The following TULP1 variants were observed in gnomAD, a reference collection of about 807,000 sequenced individuals.
The protein encoded by TULP1 is tubby-related protein 1.
A neutral mutation model predicts 67.1 loss-of-function variants in TULP1; 50 were observed. The ratio of observed to expected loss-of-function variants is 0.75; its 90% CI spans 0.59 to 0.94. The LOEUF is 0.94. Ranked by LOEUF, TULP1 falls within the 40% of genes least tolerant of loss-of-function variation. TULP1 has a pLI of 0.00. For synonymous variants in TULP1, 297 were observed against 294.0 expected (o/e 1.01, Z -0.11); for missense variants, 746 against 734.1 (o/e 1.02, Z -0.19).
chr6:35,503,887 TC>T lies in TULP1; in HGVS notation c.1113-40del. Reference sequence around the variant, plus strand: ...AGAGCTTGGGGTGGGGCTGAGGGGATCCTACATCCCTGCCCCAGGCCCCTTC... The same window carrying T: ...AGAGCTTGGGGTGGGGCTGAGGGGATCTACATCCCTGCCCCAGGCCCCTTC... On this transcript the variant is annotated intron_variant, in intron 11 of 14. Coordinates refer to ENST00000229771, the MANE Select transcript of TULP1 (RefSeq NM_003322.6). This position sits in a 1 kb window ranked among gnomAD's most constrained non-coding sequence, Gnocchi z 4.0. The T allele has an allele frequency of 6.7e-7, 1 of 1,501,170 alleles. No homozygotes were observed. 93.0% of individuals were successfully genotyped at this position (1,501,170 alleles called of 1,614,324 possible). A position where few individuals can be genotyped will look rare whatever the true frequency, so the allele number is the denominator to read the frequency against.
chr6:35,503,000 C>T (rs769385956), intron 13 of TULP1, among the ~76,000 whole-genome samples: 5 of 152,092 alleles, frequency 3.3e-5, no homozygotes, highest in Admixed American at 6.5e-5. Flanking sequence ...TGCAGTGGCA[C>T]CATCTCGGCT....
intron 13 of TULP1, among the ~76,000 whole-genome samples, chr6:35,500,638 G>A (rs1768819934): frequency 6.6e-6 from 1 of 152,076 alleles, no homozygotes; most frequent in Non-Finnish European, 1.5e-5. Flanking sequence ...TTTCCTTGTC[G>A]CCTGCTCACG....
chr6:35,510,588 AAAC>A, intron 5 of TULP1: 1 of 586,182 alleles, frequency 1.7e-6, no homozygotes, highest in Non-Finnish European at 2.9e-6. Flanking sequence ...AACAAAAACT[AAAC>A]AAAAATCACA....
chr6:35,498,352 A>G lies in TULP1; in HGVS notation c.1604T>C (p.Phe535Ser). 1 of 1,612,992 alleles carries G rather than the reference A, an allele frequency of 6.2e-7. No individual in the cohort carries two copies. The highest frequency in any genetic ancestry group is 8.5e-7 in the Non-Finnish European group (1 of 1,179,724). ...TCACTCGCAGGCCAGCTTCCCGTCG[A>G]AACTGGAGAGGGCGATGGCGAAGGC... ...LQAFAIALSS[F>S]DGKLACE The change falls in exon 15 of 15, where the codon TTC (phenylalanine) becomes TCC (serine). Residue 535 changes from phenylalanine (F) to serine (S), a missense_variant. Physicochemically the swap from Phe to Ser is radical, Grantham distance 155 (BLOSUM62 -2). This residue lies in a region of TULP1 where 383 missense variants were observed against 374.1 expected (regional missense o/e 1.02). Coordinates refer to ENST00000229771, the MANE Select transcript of TULP1 (RefSeq NM_003322.6). This position sits in a 1 kb window ranked among gnomAD's most constrained non-coding sequence, Gnocchi z 6.7.
intron 8 of TULP1, among the ~76,000 whole-genome samples, chr6:35,507,325 C>T (rs1006741186): frequency 6.6e-6 from 1 of 151,842 alleles, no homozygotes; most frequent in Non-Finnish European, 1.5e-5. Flanking sequence ...CCTTCATTTC[C>T]AGTGAAGCCT....
chr6:35,503,777 T>G lies in TULP1; in HGVS notation c.1184A>C (p.Asn395Thr), dbSNP rs1430615445. The change falls in exon 12 of 15, where the codon AAT becomes ACT. Residue 395 changes from asparagine to threonine, a missense_variant. By Grantham distance (65) the Asn-to-Thr change is moderately conservative. Around this residue, in one of 3 missense-constraint regions of TULP1, gnomAD observed 383 missense variants for 374.1 expected, o/e 1.02. Coordinates refer to ENST00000229771, the MANE Select transcript of TULP1 (RefSeq NM_003322.6). This position sits in a 1 kb window ranked among gnomAD's most constrained non-coding sequence, Gnocchi z 4.0. ...CAGCTCCTGCCGAAGGCTTGCCACA[T>G]TAGTGCTGTACCCACGCTGTGGGTT... is the stretch of plus-strand genomic sequence containing the variant. ...GQNPQRGYST[N>T]VASLRQELAA... 3 of 1,613,722 alleles carry G rather than the reference T, an allele frequency of 1.9e-6. No homozygotes were observed. Among genetic ancestry groups the G allele is most frequent in the Non-Finnish European group, 2.5e-6 (3 of 1,179,894 alleles).
chr6:35,507,852 T>C (rs1388725712), intron 8 of TULP1, among the ~76,000 whole-genome samples: 1 of 152,218 alleles, frequency 6.6e-6, no homozygotes, highest in Non-Finnish European at 1.5e-5. Flanking sequence ...CTCGCTCTTG[T>C]TGCCCAGGCT....
chr6:35,511,049 G>C, intron 4 of TULP1, 39 bp from the exon 5 acceptor site: 4 of 1,599,436 alleles, frequency 2.5e-6, no homozygotes, highest in Non-Finnish European at 3.4e-6. Context: ...GTTTGAGCCG[G>C]GCCCTCCTTA....
chr6:35,510,963 C>G lies in TULP1; in HGVS notation c.397G>C (p.Glu133Gln), dbSNP rs200314643. 5 of 1,612,096 alleles carry G rather than the reference C, an allele frequency of 3.1e-6. No homozygotes were observed. The Admixed American group carries it at 6.7e-5, about 21-fold the overall frequency. Residue 133 changes from glutamate (E) to glutamine (Q), a missense_variant, in exon 5 of 15, where the codon GAG becomes CAG. Glu to Gln is a conservative substitution (Grantham distance 29). Coordinates refer to ENST00000229771, the MANE Select transcript of TULP1 (RefSeq NM_003322.6). Reference protein sequence around the residue: ...EDEEDEEEEAEEKKEKILLPP... With the variant: ...EDEEDEEEEAQEKKEKILLPP... Reference sequence around the variant, plus strand: ...AGAAGGATTTTCTCTTTCTTTTCCTCTGCCTCCTCTTCCTCGTCCTCCTCG... The same window carrying G: ...AGAAGGATTTTCTCTTTCTTTTCCTGTGCCTCCTCTTCCTCGTCCTCCTCG...
Position 35,503,467 on chromosome 6 carries a change from G to T in TULP1, c.1323+92C>A. 1 of 1,267,488 alleles carries T rather than the reference G, an allele frequency of 7.9e-7. No homozygotes were observed. Among genetic ancestry groups the T allele is most frequent in the Non-Finnish European group, 1.1e-6 (1 of 896,344 alleles). 78.5% of individuals were successfully genotyped at this position (1,267,488 alleles called of 1,614,324 possible). ...AATGAATTTGTGTTGGAGGGTGATG[G>T]ATGTGCTCAGGGAGTTGGCTATTTC... On this transcript the variant is annotated intron_variant, in intron 13 of 14. Coordinates refer to ENST00000229771, the MANE Select transcript of TULP1 (RefSeq NM_003322.6). This position sits in a 1 kb window ranked among gnomAD's most constrained non-coding sequence, Gnocchi z 4.0.
In TULP1 at chr6:35,498,007, CAAT is replaced by C. The variant is rs764755541; in HGVS notation, c.*317_*319del. On this transcript the variant is annotated 3_prime_UTR_variant, in exon 15 of 15. Transcript: ENST00000229771. The surrounding 1 kb of genome is among the most constrained non-coding windows in gnomAD (Gnocchi z 6.7). The stretch of plus-strand genomic sequence containing the variant: ...CCGGGGAGAGGGGAGGTTAAAACAA[CAAT>C]GACTACTGCTCCCGGACAGGAAGTG... 45 of 519,982 alleles carry C rather than the reference CAAT, an allele frequency of 8.7e-5. No individual in the cohort carries two copies. Among genetic ancestry groups the C allele is most frequent in the East Asian group, 1.4e-4 (4 of 29,362 alleles). The allele number at this position is 519,982 out of a possible 1,614,324, so 32.2% of individuals were successfully genotyped here.
At position 35,511,748 on chromosome 6, in the gene TULP1, C is replaced by T. The variant is rs377105125; in HGVS notation, c.249G>A (p.Ala83=). Residue 83 remains alanine, a synonymous_variant, in exon 4 of 15, where the codon GCG becomes GCA. Transcript: ENST00000229771. ...GGAACCTGGCGTAGACCGTCTGCGG[C>T]GCCCGGGCCTGGGCTGGGTCTGGGG... ...EPSPDPAQAR[A]PQTVYARFLR... 579 of 1,585,158 alleles carry T rather than the reference C, an allele frequency of 3.7e-4. No individual in the cohort carries two copies. The highest frequency in any genetic ancestry group is 2.2e-3 in the Middle Eastern group (13 of 6,008).
At position 35,512,422 on chromosome 6, in the gene TULP1, T is replaced by C. The variant is rs1761230123; in HGVS notation, c.100-152A>G. The stretch of plus-strand genomic sequence containing the variant: ...TCTTGGAGTGAGGCAGGATGACCCC[T>C]TCCATGCATCGTGGCCATATCCAAT... On this transcript the variant is annotated intron_variant, in intron 2 of 14. Transcript: ENST00000229771. 10 of 678,848 alleles carry C rather than the reference T, an allele frequency of 1.5e-5. No homozygotes were observed. The South Asian group carries it at 1.9e-4, about 13-fold the overall frequency. 42.1% of individuals were successfully genotyped at this position (678,848 alleles called of 1,614,324 possible). A position where few individuals can be genotyped will look rare whatever the true frequency, so the allele number is the denominator to read the frequency against.
intron 8 of TULP1, 53 bp downstream of exon 8, chr6:35,509,156 C>T: frequency 1.3e-6 from 2 of 1,538,830 alleles, no homozygotes; most frequent in Admixed American, 1.7e-5. Context: ...AGTCCAGGCC[C>T]CTGCCTCTGC....
chr6:35,508,200 C>A (rs1427009675), intron 8 of TULP1, among the ~76,000 whole-genome samples: 1 of 152,184 alleles, frequency 6.6e-6, no homozygotes, highest in Admixed American at 6.5e-5. Flanking sequence ...AGCTCAGGGA[C>A]AAGTGATCAC....
At position 35,511,762 on chromosome 6, in the gene TULP1, C is replaced by A; in HGVS notation, c.235G>T (p.Ala79Ser). 1 of 1,581,758 alleles carries A rather than the reference C, an allele frequency of 6.3e-7. No individual in the cohort carries two copies. The highest frequency in any genetic ancestry group is 8.6e-7 in the Non-Finnish European group (1 of 1,164,472). Reference protein sequence around the residue: ...RPREEPSPDPAQARAPQTVYA... With the variant: ...RPREEPSPDPSQARAPQTVYA... ...ACCGTCTGCGGCGCCCGGGCCTGGG[C>A]TGGGTCTGGGGAAGGCTCCTCCCGC... is the stretch of plus-strand genomic sequence containing the variant. Residue 79 changes from alanine to serine, a missense_variant, in exon 4 of 15, where the codon GCC (alanine) becomes TCC (serine). Ala to Ser is a moderately conservative substitution (Grantham distance 99). Transcript: ENST00000229771.
chr6:35,500,908 G>T (rs1306154816), intron 13 of TULP1, among the ~76,000 whole-genome samples: 2 of 152,230 alleles, frequency 1.3e-5, no homozygotes, highest in Admixed American at 6.5e-5. Flanking sequence ...GGGCCCACAG[G>T]CTGAGTGAAC....
intron 5 of TULP1, 102 bp downstream of exon 5, chr6:35,510,759 A>C: frequency 6.2e-7 from 1 of 1,602,648 alleles, no homozygotes; most frequent in Non-Finnish European, 8.5e-7. Flanking sequence ...CACTGGGTTC[A>C]TTTTGAGGCC....
At chr6:35,507,357 C>G (rs1342645638) in intron 8 of TULP1, among the ~76,000 whole-genome samples, 1 of 151,986 alleles carries the variant, frequency 6.6e-6, no homozygotes, top group African/African-American at 2.4e-5. Context: ...GAAGCCCCAG[C>G]TGACATTTTG....
Sources: gnomAD v4.1 joint callset for allele counts (sites outside exome capture counted in the v4.1 genomes callset) on GRCh38, gnomAD v4.1.1 for gene constraint, gnomAD v4.1.1 regional missense constraint, Gnocchi (gnomAD v3.1) non-coding constraint, MANE v1.5 for transcripts, NCBI Gene and HGNC (gene_info 2026-07-23, HGNC 2026-07-21) for gene names.